Variants in XYLT1 observed in about 807,000 individuals in gnomAD.
XYLT1 encodes xylosyltransferase 1, also known as beta-D-xylosyltransferase 1.
Under a neutral mutation model 91.3 loss-of-function variants are expected in XYLT1, and 36 were observed. That is an observed-to-expected ratio of 0.39 (90% CI 0.30 to 0.52). The LOEUF is 0.52. Ranked by LOEUF, XYLT1 falls within the 20% of genes least tolerant of loss-of-function variation. The probability of loss-of-function intolerance (pLI) is 0.68; values close to 1 mark genes in which losing one functional copy is unlikely to be tolerated. For missense variants in XYLT1, 1,242 were observed against 1,284.5 expected, an observed-to-expected ratio of 0.97 and a Z score of 0.51; for synonymous variants, 588 against 532.0, an observed-to-expected ratio of 1.11 and a Z score of -1.45.
chr16:17,237,440 T>C (rs559356115), intron 3 of XYLT1, among the ~76,000 whole-genome samples: 7 of 152,314 alleles, frequency 4.6e-5, no homozygotes, highest in Admixed American at 4.6e-4. Context: ...TGGTTGAAGA[T>C]ACTGGTTGGA....
At chr16:17,421,220 G>A (rs1442688241) in intron 1 of XYLT1, among the ~76,000 whole-genome samples, 1 of 152,022 alleles carries the variant, frequency 6.6e-6, no homozygotes, top group Admixed American at 6.6e-5. Context: ...TCTTTTTATG[G>A]GATTCTAAGG....
chr16:17,119,311 A>C (rs1048725949), intron 10 of XYLT1, among the ~76,000 whole-genome samples: 1 of 152,174 alleles, frequency 6.6e-6, no homozygotes, highest in African/African-American at 2.4e-5. Flanking sequence ...ATTAGGGGTC[A>C]TCTAATTTGA....
chr16:17,454,192 T>C (rs1247614725), intron 1 of XYLT1, among the ~76,000 whole-genome samples: 1 of 152,240 alleles, frequency 6.6e-6, no homozygotes, highest in Non-Finnish European at 1.5e-5. Context: ...AATGTTTGCA[T>C]ATGTTTGCCG....
At chr16:17,246,613 A>G (rs560444409) in intron 3 of XYLT1, among the ~76,000 whole-genome samples, 4 of 152,290 alleles carry the variant, frequency 2.6e-5, no homozygotes, top group South Asian at 2.1e-4. Flanking sequence ...CGTCTGTTCA[A>G]TGGAACTAGA....
chr16:17,425,310 T>A (rs182753267), intron 1 of XYLT1, among the ~76,000 whole-genome samples: 1 of 152,298 alleles, frequency 6.6e-6, no homozygotes, highest in South Asian at 2.1e-4. Context: ...AGATGCATTG[T>A]AGGGTGAGAC....
chr16:17,114,761 T>C (rs971933771), intron 11 of XYLT1, among the ~76,000 whole-genome samples: 4 of 152,174 alleles, frequency 2.6e-5, no homozygotes, highest in Admixed American at 2.6e-4. Flanking sequence ...ATTCCAAATA[T>C]AGAGAGACCC....
chr16:17,224,333 C>T (rs758910880), intron 3 of XYLT1, among the ~76,000 whole-genome samples: 4 of 152,184 alleles, frequency 2.6e-5, no homozygotes, highest in African/African-American at 7.2e-5. Context: ...AATGACCCAA[C>T]GAACACTTTT....
At chr16:17,297,655 C>T (rs908096369) in intron 2 of XYLT1, among the ~76,000 whole-genome samples, 7 of 151,956 alleles carry the variant, frequency 4.6e-5, no homozygotes, top group Non-Finnish European at 8.8e-5. Flanking sequence ...CCTAGGAGGT[C>T]GAGGCTGCAG....
intron 1 of XYLT1, among the ~76,000 whole-genome samples, chr16:17,432,422 C>A (rs2036403366): frequency 1.3e-5 from 2 of 152,194 alleles, no homozygotes; most frequent in Non-Finnish European, 2.9e-5. Flanking sequence ...TCAAAAACAT[C>A]ACGTGATAGC....
chr16:17,118,281 T>TGAAC (rs3053246), intron 10 of XYLT1, among the ~76,000 whole-genome samples: 4 of 138,402 alleles, frequency 2.9e-5, no homozygotes, highest in African/African-American at 1.1e-4. Flanking sequence ...AGTGAATGAA[T>TGAAC]GAACGAATGA....
chr16:17,249,356 C>T (rs1313472382), intron 3 of XYLT1, among the ~76,000 whole-genome samples: 1 of 152,108 alleles, frequency 6.6e-6, no homozygotes, highest in Non-Finnish European at 1.5e-5. Context: ...GCCACTGAGG[C>T]TAAAAGCAAC....
chr16:17,213,359 T>G (rs2032797403), intron 3 of XYLT1, among the ~76,000 whole-genome samples: 1 of 152,170 alleles, frequency 6.6e-6, no homozygotes, highest in Non-Finnish European at 1.5e-5. Context: ...TCTTTATAAA[T>G]TATCCACTCA....
At chr16:17,113,986 C>T (rs1003570992) in intron 11 of XYLT1, among the ~76,000 whole-genome samples, 1 of 151,362 alleles carries the variant, frequency 6.6e-6, no homozygotes, top group African/African-American at 2.4e-5. Flanking sequence ...ATTCATCCAC[C>T]TGCTAGGAGG....
chr16:17,462,892 A>C (rs1331526213), intron 1 of XYLT1, among the ~76,000 whole-genome samples: 1 of 152,230 alleles, frequency 6.6e-6, no homozygotes, highest in Non-Finnish European at 1.5e-5. Flanking sequence ...GGTTTAGAAC[A>C]GTGCCTGGCA....
intron 2 of XYLT1, among the ~76,000 whole-genome samples, chr16:17,322,642 A>G (rs1329103750): frequency 2.0e-5 from 3 of 152,138 alleles, no homozygotes; most frequent in African/African-American, 7.2e-5. Context: ...TTGCCCTGCT[A>G]ACTCTTTTTT....
intron 1 of XYLT1, among the ~76,000 whole-genome samples, chr16:17,467,040 A>C (rs1006410870): frequency 6.6e-6 from 1 of 152,200 alleles, no homozygotes; most frequent in Non-Finnish European, 1.5e-5. Context: ...CTGATGTCTA[A>C]AAGAGTCCTG....
intron 1 of XYLT1, among the ~76,000 whole-genome samples, chr16:17,423,622 T>C (rs929395064): frequency 6.6e-6 from 1 of 152,022 alleles, no homozygotes; most frequent in African/African-American, 2.4e-5. Context: ...TTTTCTCTTT[T>C]TTTTTTGAGA....
At chr16:17,287,917 A>C (rs1567357744) in intron 2 of XYLT1, among the ~76,000 whole-genome samples, 1 of 151,212 alleles carries the variant, frequency 6.6e-6, no homozygotes, top group Non-Finnish European at 1.5e-5. Context: ...ATGTGCCAGG[A>C]ACTCTATTAG....
rs548427081 is a variant in XYLT1, at chr16:17,395,235, C to A, written c.364-37185G>T. Among the ~76,000 whole-genome samples, 13 of 152,304 alleles carry A rather than the reference C, an allele frequency of 8.5e-5. No individual in the cohort carries two copies. In the East Asian group the frequency reaches 2.1e-3, roughly 25 times the overall value. On this transcript the variant is annotated intron_variant, in intron 1 of 11. Coordinates refer to ENST00000261381, the MANE Select transcript of XYLT1 (RefSeq NM_022166.4). ...GAACAGCATGGGGAAAACCTCCCCC[C>A]TCATCCAATCACCTCCCACCAAGTC...
Sources: allele counts gnomAD v4.1 joint callset (sites outside exome capture counted in the v4.1 genomes callset), GRCh38; gene constraint gnomAD v4.1.1; transcripts MANE v1.5; gene names NCBI Gene and HGNC (gene_info 2026-07-23, HGNC 2026-07-21).